The following EZR variants were observed in gnomAD, a reference collection of about 807,000 sequenced individuals.
The protein encoded by EZR is cytovillin 2.
In EZR, 40 loss-of-function variants were observed where a neutral mutation model predicts 74.8. The ratio of observed to expected loss-of-function variants is 0.53; its 90% CI spans 0.42 to 0.70. The LOEUF (loss-of-function observed/expected upper bound fraction) is 0.70. EZR is among the 30% of genes least tolerant of loss of function. The pLI is 0.00. For missense variants in EZR, 678 were observed against 755.8 expected, an observed-to-expected ratio of 0.90 and a Z score of 1.21; for synonymous variants, 341 against 283.3, an observed-to-expected ratio of 1.20 and a Z score of -2.05.
At chr6:158,804,737 G>C (rs1562505175) in intron 2 of EZR, among the ~76,000 whole-genome samples, 1 of 146,956 alleles carries the variant, frequency 6.8e-6, no homozygotes, top group Admixed American at 6.8e-5. Context: ...TTAGAAGCCT[G>C]TGAAGAGTTT....
chr6:158,817,972 G>A, intron 2 of EZR, 110 bp downstream of exon 2: 2 of 1,037,952 alleles, frequency 1.9e-6, no homozygotes, highest in Non-Finnish European at 2.8e-6. Context: ...CGTCTTCTGC[G>A]TGTGAGAAGA....
Position 158,787,238 on chromosome 6 carries a change from G to A in EZR, c.97-35C>T, listed in dbSNP as rs755235293. 21 of 1,572,374 alleles carry A rather than the reference G, an allele frequency of 1.3e-5. No individual in the cohort carries two copies. The South Asian group carries it at 1.8e-4, about 13-fold the overall frequency. On this transcript the variant is annotated intron_variant, in intron 3 of 13. Transcript: ENST00000367075. ...AGAGAGAGAGGCTCAACACTCATGA[G>A]AAACTCACTCAAAAGGGCAACAGCT...
intron 7 of EZR, among the ~76,000 whole-genome samples, chr6:158,780,167 A>G (rs1392067760): frequency 1.4e-5 from 2 of 141,760 alleles, no homozygotes; most frequent in Non-Finnish European, 3.1e-5. Flanking sequence ...TGGGTGACAC[A>G]GTGAGATTCC....
chr6:158,770,580 C>T (rs1291156742), intron 10 of EZR, among the ~76,000 whole-genome samples, 184 bp downstream of exon 10: 3 of 152,080 alleles, frequency 2.0e-5, no homozygotes, highest in African/African-American at 7.2e-5. Context: ...CAACTAGCAT[C>T]AAAGTTAAAT....
At chr6:158,767,180 G>A (rs1219399897) in intron 13 of EZR, 81 bp downstream of exon 13, 4 of 1,580,694 alleles carry the variant, frequency 2.5e-6, no homozygotes, top group Non-Finnish European at 3.4e-6. Context: ...GGTGGGGCTG[G>A]CTCACATCAC....
chr6:158,817,775 T>C (rs997795660), intron 2 of EZR, among the ~76,000 whole-genome samples: 5 of 152,154 alleles, frequency 3.3e-5, no homozygotes, highest in African/African-American at 4.8e-5. Flanking sequence ...TGTATTACTA[T>C]ACCCTTTAAA....
chr6:158,787,104 T>C lies in EZR; in HGVS notation c.192+4A>G. The C allele has an allele frequency of 6.2e-7, 1 of 1,612,260 alleles. No individual in the cohort carries two copies. Among genetic ancestry groups the C allele is most frequent in the Non-Finnish European group, 8.5e-7 (1 of 1,178,396 alleles). ...CAGCCTGTAAATAGTTAATCCTGAC[T>C]TGCCTTCTTATCCAGCTTCAGCCAG... On this transcript the variant is annotated splice_donor_region_variant and intron_variant, in intron 4 of 13. Coordinates refer to ENST00000367075, the MANE Select transcript of EZR (RefSeq NM_001111077.2).
intron 8 of EZR, 80 bp from the exon 9 acceptor site, chr6:158,771,487 A>G (rs2128566393): frequency 3.5e-6 from 5 of 1,447,964 alleles, no homozygotes; most frequent in Non-Finnish European, 2.8e-6. Context: ...ACAAAGGTCC[A>G]GAACTTTTCT....
At chr6:158,811,484 T>TA (rs958050883) in intron 2 of EZR, among the ~76,000 whole-genome samples, 5 of 152,162 alleles carry the variant, frequency 3.3e-5, no homozygotes, top group African/African-American at 1.2e-4. Flanking sequence ...AAGTTTAAGT[T>TA]AAAAAAATTA....
At chr6:158,790,066 G>C (rs1351867995) in intron 2 of EZR, among the ~76,000 whole-genome samples, 1 of 152,240 alleles carries the variant, frequency 6.6e-6, no homozygotes, top group East Asian at 1.9e-4. Context: ...AAAGAGCTTT[G>C]AATCAGAAGG....
rs1283180461 is a variant in EZR at position 158,769,876 on chromosome 6, C to T, written c.1159G>A (p.Glu387Lys). Residue 387 changes from glutamate to lysine, a missense_variant, in exon 11 of 14, where the codon GAG becomes AAG. Coordinates refer to ENST00000367075, the MANE Select transcript of EZR (RefSeq NM_001111077.2). ...GCCATACGGTCAGCCTCTAGGCGCT[C>T]GGCCTCCTCCTGTGCCCGCTTCCTC... ...EERKRAQEEAERLEADRMAAL... is the reference protein window; with the variant it reads ...EERKRAQEEAKRLEADRMAAL... The T allele has an allele frequency of 2.5e-6, 4 of 1,613,764 alleles. No individual in the cohort carries two copies. The highest frequency in any genetic ancestry group is 2.2e-5 in the South Asian group (2 of 91,084).
chr6:158,792,995 G>A (rs183252224), intron 2 of EZR, among the ~76,000 whole-genome samples: 1 of 151,942 alleles, frequency 6.6e-6, no homozygotes, highest in African/African-American at 2.4e-5. Flanking sequence ...CATTCCCTAT[G>A]GTACGCAACC....
chr6:158,808,069 T>G (rs1330758142), intron 2 of EZR, among the ~76,000 whole-genome samples: 1 of 152,184 alleles, frequency 6.6e-6, no homozygotes, highest in African/African-American at 2.4e-5. Context: ...GCTCTATTTG[T>G]TGAATGAATG....
At chr6:158,784,299 TATA>T (rs1274257213) in intron 6 of EZR, among the ~76,000 whole-genome samples, 1 of 152,234 alleles carries the variant, frequency 6.6e-6, no homozygotes, top group Admixed American at 6.5e-5. Flanking sequence ...AGTACCTTCA[TATA>T]ATGAGCAAAC....
At position 158,775,126 on chromosome 6, in the gene EZR, G is replaced by A. The variant is rs191185363; in HGVS notation, c.795+1282C>T. On this transcript the variant is annotated intron_variant, in intron 8 of 13. Coordinates refer to ENST00000367075, the MANE Select transcript of EZR (RefSeq NM_001111077.2). The stretch of plus-strand genomic sequence containing the variant: ...CAGCTCACTGCAACCTCTGCTTCCT[G>A]GGTTCAAGCGATTCTCCTGCCTCAG... Among the ~76,000 whole-genome samples, 146 of 145,978 alleles carry A rather than the reference G, an allele frequency of 1.0e-3. 2 individuals carry two copies. The East Asian group carries it at 0.028, about 28-fold the overall frequency.
At chr6:158,802,152 T>G (rs1375522538) in intron 2 of EZR, among the ~76,000 whole-genome samples, 1 of 152,202 alleles carries the variant, frequency 6.6e-6, no homozygotes, top group Non-Finnish European at 1.5e-5. Flanking sequence ...GGGCATTCAT[T>G]GGTTAGTACC....
chr6:158,818,212 G>C lies in EZR; in HGVS notation c.-73-46C>G, dbSNP rs955439659. 4 of 1,105,026 alleles carry C rather than the reference G, an allele frequency of 3.6e-6. No homozygotes were observed. In the African/African-American group the frequency reaches 6.5e-5, roughly 18 times the overall value. 68.5% of individuals were successfully genotyped at this position (1,105,026 alleles called of 1,614,324 possible). ...TTAGAGCGCCCGCCCGCCCTGCCTCGTCCTCCTGCCGCGCCCGACACTCGG... is the reference window on the plus strand; with the variant it reads ...TTAGAGCGCCCGCCCGCCCTGCCTCCTCCTCCTGCCGCGCCCGACACTCGG... On this transcript the variant is annotated intron_variant, in intron 1 of 13. Coordinates refer to ENST00000367075, the MANE Select transcript of EZR (RefSeq NM_001111077.2).
intron 10 of EZR, among the ~76,000 whole-genome samples, chr6:158,770,531 C>A (rs1386747907): frequency 1.3e-5 from 2 of 152,176 alleles, no homozygotes; most frequent in African/African-American, 4.8e-5. Context: ...GCACTTACCG[C>A]AAAAGACTAG....
Position 158,766,818 on chromosome 6 carries a change from G to A in EZR, c.*96C>T. ...GCTTTCTAAAGGAACTGGGATCTGA[G>A]GGAGTTCCTAGACTTGGAGCACTAA... On this transcript the variant is annotated 3_prime_UTR_variant, in exon 14 of 14. Coordinates refer to ENST00000367075, the MANE Select transcript of EZR (RefSeq NM_001111077.2). 3.3e-6 allele frequency: 4 copies of A among 1,200,988 alleles called. 1 individual carries two copies. The highest frequency in any genetic ancestry group is 4.8e-5 in the East Asian group (2 of 42,006). 74.4% of individuals were successfully genotyped at this position (1,200,988 alleles called of 1,614,324 possible). A position where few individuals can be genotyped will look rare whatever the true frequency, so the allele number is the denominator to read the frequency against.
Sources: gnomAD v4.1 joint callset for allele counts (sites outside exome capture counted in the v4.1 genomes callset) on GRCh38, gnomAD v4.1.1 for gene constraint, MANE v1.5 for transcripts, NCBI Gene and HGNC (gene_info 2026-07-23, HGNC 2026-07-21) for gene names.